Variants in SUMF1 observed in about 807,000 individuals in gnomAD.
SUMF1 encodes the protein sulfatase modifying factor 1.
In SUMF1, 48 loss-of-function variants were observed where a neutral mutation model predicts 47.6. The observed-to-expected ratio is 1.01, with a 90% CI of 0.80 to 1.28. The LOEUF is 1.28. SUMF1 is among the 50% of genes most tolerant of loss of function. The probability of loss-of-function intolerance (pLI) is 0.00; values close to 1 mark genes in which losing one functional copy is unlikely to be tolerated. For synonymous variants in SUMF1, 230 were observed against 192.1 expected (o/e 1.20, Z -1.63); for missense variants, 571 against 485.4 (o/e 1.18, Z -1.66).
intron 1 of SUMF1, among the ~76,000 whole-genome samples, chr3:4,464,537 T>C (rs933867948): frequency 3.3e-5 from 5 of 152,172 alleles, no homozygotes; most frequent in Non-Finnish European, 7.3e-5. Context: ...ACAAGTGTTA[T>C]ATAGTAATGT....
At chr3:4,441,679 T>A (rs776275470) in intron 3 of SUMF1, among the ~76,000 whole-genome samples, 1 of 152,242 alleles carries the variant, frequency 6.6e-6, no homozygotes, top group South Asian at 2.1e-4. Flanking sequence ...ATAATAATCA[T>A]GAGTAATTCA....
At chr3:4,350,002 C>CTT (rs766765804) in intron 8 of SUMF1, among the ~76,000 whole-genome samples, 14 of 139,136 alleles carry the variant, frequency 1.0e-4, no homozygotes, top group Non-Finnish European at 9.5e-5. Context: ...GTATTATTTT[C>CTT]TTTTTTTTTT....
intron 8 of SUMF1, among the ~76,000 whole-genome samples, chr3:4,249,366 C>A (rs970327710): frequency 2.6e-5 from 4 of 152,004 alleles, no homozygotes; most frequent in Non-Finnish European, 5.9e-5. Flanking sequence ...AGTCTATTGG[C>A]CTCATTTTCT....
intron 7 of SUMF1, among the ~76,000 whole-genome samples, chr3:4,400,386 C>T (rs948708149): frequency 4.6e-5 from 7 of 152,174 alleles, no homozygotes; most frequent in African/African-American, 1.2e-4. Context: ...GTGCCTATTA[C>T]CATGGAAATG....
At chr3:4,212,565 T>G (rs1161691971) in intron 8 of SUMF1, among the ~76,000 whole-genome samples, 1 of 152,140 alleles carries the variant, frequency 6.6e-6, no homozygotes, top group Non-Finnish European at 1.5e-5. Flanking sequence ...ATGAGTTTGA[T>G]GAATTGACAG....
intron 8 of SUMF1, among the ~76,000 whole-genome samples, chr3:4,096,553 G>A (rs950244044): frequency 7.9e-5 from 12 of 152,088 alleles, no homozygotes; most frequent in Admixed American, 2.6e-4. Flanking sequence ...GTGCACAGCA[G>A]CTTCTCTGTA....
At chr3:4,050,110 T>C (rs917383308) in intron 9 of SUMF1, among the ~76,000 whole-genome samples, 2 of 151,932 alleles carry the variant, frequency 1.3e-5, no homozygotes, top group Non-Finnish European at 2.9e-5. Context: ...GGGTACAGGA[T>C]AGGGGCTGTG....
At chr3:4,314,693 C>T (rs1463068818) in intron 8 of SUMF1, among the ~76,000 whole-genome samples, 2 of 152,106 alleles carry the variant, frequency 1.3e-5, no homozygotes, top group Non-Finnish European at 2.9e-5. Flanking sequence ...CAGAAGGAGA[C>T]GGGAGTTTTA....
At chr3:4,120,409 A>G (rs1693511812) in intron 8 of SUMF1, among the ~76,000 whole-genome samples, 1 of 152,170 alleles carries the variant, frequency 6.6e-6, no homozygotes, top group African/African-American at 2.4e-5. Flanking sequence ...GGTGAAGGAT[A>G]CACACTTTAC....
At chr3:4,452,373 T>C (rs996422435) in intron 2 of SUMF1, among the ~76,000 whole-genome samples, 8 of 152,224 alleles carry the variant, frequency 5.3e-5, no homozygotes, top group African/African-American at 1.9e-4. Context: ...GTGTGAGTTG[T>C]CAAGGTGTTG....
intron 8 of SUMF1, among the ~76,000 whole-genome samples, chr3:4,214,442 C>T (rs928514293): frequency 6.6e-6 from 1 of 152,076 alleles, no homozygotes; most frequent in Non-Finnish European, 1.5e-5. Context: ...TAAATGCCCA[C>T]AAGAGAAAGC....
In SUMF1 at chr3:4,288,832, C is replaced by G. The variant is rs1305065518; in HGVS notation, c.1014+87498G>C. On this transcript the variant is annotated intron_variant and NMD_transcript_variant, in intron 8 of 12. Transcript: ENST00000448413. ...AAAAAAAAAAATTGAACCTACAAAG[C>G]CCTCCATTGTTTCTAAATACAATTT... Among the ~76,000 whole-genome samples, 3 of 151,822 alleles carry G rather than the reference C, an allele frequency of 2.0e-5. No homozygotes were observed. In the East Asian group the frequency reaches 5.8e-4, roughly 29 times the overall value.
intron 8 of SUMF1, among the ~76,000 whole-genome samples, chr3:4,217,246 C>T (rs933398276): frequency 1.3e-5 from 2 of 151,446 alleles, no homozygotes; most frequent in African/African-American, 4.9e-5. Context: ...CCATCACTCT[C>T]AGCAAACTAT....
chr3:4,089,427 T>A (rs1422758774), intron 8 of SUMF1, among the ~76,000 whole-genome samples: 2 of 152,102 alleles, frequency 1.3e-5, no homozygotes, highest in Non-Finnish European at 2.9e-5. Context: ...ATTAGAGAAA[T>A]GTGTAATAAA....
chr3:4,232,938 G>T (rs991765536), intron 8 of SUMF1, among the ~76,000 whole-genome samples: 1 of 152,010 alleles, frequency 6.6e-6, no homozygotes, highest in South Asian at 2.1e-4. Flanking sequence ...ATCTGAAGAA[G>T]GATAAAAAAT....
chr3:4,035,292 A>T (rs1406373166), intron 9 of SUMF1, among the ~76,000 whole-genome samples: 1 of 152,164 alleles, frequency 6.6e-6, no homozygotes, highest in Non-Finnish European at 1.5e-5. Flanking sequence ...TGGTAGGGCT[A>T]GATTCCACCT....
chr3:4,274,786 G>C (rs73806972), intron 8 of SUMF1, among the ~76,000 whole-genome samples: 4,836 of 152,182 alleles, frequency 0.032, 265 homozygotes, highest in African/African-American at 0.11. Context: ...AATCTAGACT[G>C]ACAGAAAAAA....
At chr3:4,204,279 T>A (rs1433194785) in intron 8 of SUMF1, among the ~76,000 whole-genome samples, 2 of 152,154 alleles carry the variant, frequency 1.3e-5, no homozygotes, top group African/African-American at 4.8e-5. Flanking sequence ...AATTTTTTTA[T>A]CTTTAGCACT....
intron 7 of SUMF1, among the ~76,000 whole-genome samples, chr3:4,395,640 T>C (rs1701016227): frequency 6.6e-6 from 1 of 152,200 alleles, no homozygotes; most frequent in Non-Finnish European, 1.5e-5. Flanking sequence ...GATTACCATT[T>C]TAGTGAAATG....
Sources: gnomAD v4.1 joint callset for allele counts (sites outside exome capture counted in the v4.1 genomes callset) on GRCh38, gnomAD v4.1.1 for gene constraint, MANE v1.5 for transcripts, NCBI Gene and HGNC (gene_info 2026-07-23, HGNC 2026-07-21) for gene names.